Variants in FYB2 observed in about 807,000 individuals in gnomAD.
FYB2 encodes FYN-binding protein 2.
A neutral mutation model predicts 94.1 loss-of-function variants in FYB2; 103 were observed. That is an observed-to-expected ratio of 1.09 (90% CI 0.93 to 1.29). The LOEUF (loss-of-function observed/expected upper bound fraction) is 1.29. Among genes scored for constraint, FYB2 ranks in the 50% most tolerant of loss-of-function variants. The pLI is 0.00. For synonymous variants in FYB2, 293 were observed against 287.9 expected, an observed-to-expected ratio of 1.02 and a Z score of -0.18; for missense variants, 896 against 841.5, an observed-to-expected ratio of 1.06 and a Z score of -0.80.
chr1:56,743,421 C>T (rs568606831), intron 11 of FYB2, among the ~76,000 whole-genome samples: 259 of 151,946 alleles, frequency 1.7e-3, no homozygotes, highest in African/African-American at 6.1e-3. Flanking sequence ...GATTGTACAC[C>T]AAGGAGAATA....
chr1:56,723,204 G>GAC (rs57903838), intron 17 of FYB2, among the ~76,000 whole-genome samples: 9,911 of 149,348 alleles, frequency 0.066, 389 homozygotes, highest in South Asian at 0.17. Flanking sequence ...AAGATTCACA[G>GAC]ACACACACAC....
At chr1:56,801,155 C>G (rs1646510261) in intron 1 of FYB2, among the ~76,000 whole-genome samples, 1 of 152,118 alleles carries the variant, frequency 6.6e-6, no homozygotes, top group Non-Finnish European at 1.5e-5. Flanking sequence ...TGCCCTCTAC[C>G]TTTTTGCTCT....
At chr1:56,803,698 C>A (rs1350143820) in intron 1 of FYB2, among the ~76,000 whole-genome samples, 1 of 152,210 alleles carries the variant, frequency 6.6e-6, no homozygotes, top group Non-Finnish European at 1.5e-5. Flanking sequence ...GATCTGGTCC[C>A]AAACCGCCAC....
chr1:56,817,443 A>G (rs1324817672), intron 1 of FYB2, among the ~76,000 whole-genome samples: 3 of 152,130 alleles, frequency 2.0e-5, no homozygotes, highest in African/African-American at 4.8e-5. Context: ...CTGCCTGACC[A>G]TCCTTATACC....
intron 9 of FYB2, among the ~76,000 whole-genome samples, chr1:56,749,367 T>C (rs907779240): frequency 1.3e-5 from 2 of 151,942 alleles, no homozygotes; most frequent in Non-Finnish European, 2.9e-5. Context: ...CCATGACTTT[T>C]ATCCTCTCTT....
At position 56,720,208 on chromosome 1, in the gene FYB2, T is replaced by C. The variant is rs773613671; in HGVS notation, c.2096A>G (p.Gln699Arg). The C allele has an allele frequency of 1.9e-6, 3 of 1,611,470 alleles. No individual in the cohort carries two copies. The African/African-American group carries it at 4.0e-5, about 22-fold the overall frequency. The stretch of plus-strand genomic sequence containing the variant: ...AGAATTACGACATATCACTAGATTT[T>C]GTTCGGTGGTATCAATGACTTCCAA... ...EELEVIDTTE[Q>R]NLVICRNSKG... is the part of the protein sequence containing the mutation. The change falls in exon 18 of 20, where the codon CAA becomes CGA. Residue 699 changes from glutamine to arginine, a missense_variant. By Grantham distance (43) the Gln-to-Arg change is conservative. Transcript: ENST00000343433.
chr1:56,721,562 G>C (rs922778797), intron 17 of FYB2, among the ~76,000 whole-genome samples: 2 of 151,208 alleles, frequency 1.3e-5, no homozygotes, highest in African/African-American at 2.4e-5. Context: ...AAATCTAATT[G>C]GTCACCCTTC....
intron 4 of FYB2, among the ~76,000 whole-genome samples, 154 bp from the exon 5 acceptor site, chr1:56,768,092 C>T (rs1259818598): frequency 2.0e-5 from 3 of 152,142 alleles, no homozygotes; most frequent in Non-Finnish European, 2.9e-5. Context: ...ACTCCAAATG[C>T]ATAAGAATTC....
intron 5 of FYB2, among the ~76,000 whole-genome samples, chr1:56,764,443 A>G (rs1645574570): frequency 6.7e-6 from 1 of 149,096 alleles, no homozygotes; most frequent in African/African-American, 2.5e-5. Context: ...CCTTGTTCAG[A>G]TTTGGTAGTT....
rs927631048 is a variant in FYB2, at chr1:56,718,978, T to C, written c.*693A>G. 3.3e-5 allele frequency: 5 copies of C among 152,586 alleles called. No individual in the cohort carries two copies. The highest frequency in any genetic ancestry group is 2.0e-4 in the Admixed American group (3 of 15,262). The allele number at this position is 152,586 out of a possible 1,614,324, so 9.5% of individuals were successfully genotyped here. Reference sequence around the variant, plus strand: ...AAAATAATGACAATTGTTCTTATTTTGGACAAAAAGATGTTTTAAAGTAAT... The same window carrying C: ...AAAATAATGACAATTGTTCTTATTTCGGACAAAAAGATGTTTTAAAGTAAT... On this transcript the variant is annotated 3_prime_UTR_variant, in exon 20 of 20. Coordinates refer to ENST00000343433, the MANE Select transcript of FYB2 (RefSeq NM_001004303.5).
At chr1:56,740,548 A>C (rs564877098) in intron 13 of FYB2, 149 bp downstream of exon 13, 1 of 461,456 alleles carries the variant, frequency 2.2e-6, no homozygotes, top group Non-Finnish European at 3.9e-6. Flanking sequence ...TCAATCAAAA[A>C]TTCACAAGAA....
At chr1:56,752,350 TCTAA>T (rs1482949816) in intron 8 of FYB2, among the ~76,000 whole-genome samples, 1 of 152,032 alleles carries the variant, frequency 6.6e-6, no homozygotes, top group African/African-American at 2.4e-5. Context: ...TTTTTGGCCA[TCTAA>T]CTGTTTTATA....
chr1:56,812,667 G>C (rs548980147), intron 1 of FYB2, among the ~76,000 whole-genome samples: 2 of 152,152 alleles, frequency 1.3e-5, no homozygotes, highest in Non-Finnish European at 2.9e-5. Flanking sequence ...AAACCCAGAA[G>C]TCAGTGATCA....
chr1:56,757,004 C>T (rs556111772), intron 6 of FYB2, among the ~76,000 whole-genome samples: 2 of 152,034 alleles, frequency 1.3e-5, no homozygotes, highest in South Asian at 4.2e-4. Context: ...TGACTCAGTC[C>T]CTTATAGTCA....
Position 56,792,490 on chromosome 1 carries a change from G to A in FYB2, c.323C>T (p.Ser108Leu), listed in dbSNP as rs751452629. ...CTCTAACAGCAGAGAAGCCTTCTGT[G>A]AACTTGTTGCAGAACATACAGTAGA... ...GKSTVCSATS[S>L]QKASLLLEVT... Residue 108 changes from serine (S) to leucine (L), a missense_variant, in exon 2 of 20, where the codon TCA (serine) becomes TTA (leucine). Physicochemically the swap from Ser to Leu is moderately radical, Grantham distance 145. Coordinates refer to ENST00000343433, the MANE Select transcript of FYB2 (RefSeq NM_001004303.5). 1.9e-6 allele frequency: 3 copies of A among 1,614,128 alleles called. No homozygotes were observed. The highest frequency in any genetic ancestry group is 2.5e-6 in the Non-Finnish European group (3 of 1,179,972).
rs374940779 is a variant in FYB2 at position 56,720,191 on chromosome 1, G to T, written c.2113C>A (p.Arg705Ser). 1.2e-6 allele frequency: 2 copies of T among 1,609,828 alleles called. No individual in the cohort carries two copies. Among genetic ancestry groups the T allele is most frequent in the Admixed American group, 1.7e-5 (1 of 59,468 alleles). The change falls in exon 18 of 20, where the codon CGT becomes AGT. Residue 705 changes from arginine to serine, a missense_variant. Transcript: ENST00000343433. ...AACTTACATTTGCCTTTAGAATTAC[G>T]ACATATCACTAGATTTTGTTCGGTG... ...DTTEQNLVICRNSKGKYGYVL... is the reference protein window; with the variant it reads ...DTTEQNLVICSNSKGKYGYVL...
chr1:56,732,968 A>G (rs1644744260), intron 15 of FYB2, among the ~76,000 whole-genome samples: 1 of 152,090 alleles, frequency 6.6e-6, no homozygotes, highest in African/African-American at 2.4e-5. Context: ...GTAACAAAGC[A>G]AAAATCAACA....
intron 5 of FYB2, among the ~76,000 whole-genome samples, chr1:56,763,605 T>C (rs972441068): frequency 1.3e-5 from 2 of 152,192 alleles, no homozygotes; most frequent in African/African-American, 4.8e-5. Context: ...TATCCCTGCT[T>C]CAGTCTTAAT....
intron 13 of FYB2, 72 bp downstream of exon 13, chr1:56,740,625 G>A (rs1052316534): frequency 2.3e-6 from 2 of 879,320 alleles, no homozygotes; most frequent in African/African-American, 1.7e-5. Context: ...TCTGAGATTG[G>A]ATGGAGAACA....
Sources: allele counts gnomAD v4.1 joint callset (sites outside exome capture counted in the v4.1 genomes callset), GRCh38; gene constraint gnomAD v4.1.1; transcripts MANE v1.5; gene names NCBI Gene and HGNC (gene_info 2026-07-23, HGNC 2026-07-21).